The following STX8 variants were observed in gnomAD, a reference collection of about 807,000 sequenced individuals.
STX8 encodes the protein syntaxin 8.
A neutral mutation model predicts 37.5 loss-of-function variants in STX8; 23 were observed. The observed-to-expected ratio is 0.61, with a 90% CI of 0.44 to 0.87. STX8 has a LOEUF of 0.87. Ranked by LOEUF, STX8 falls within the 40% of genes least tolerant of loss-of-function variation. The pLI is 0.00. For missense variants in STX8, 313 were observed against 284.7 expected (o/e 1.10, Z -0.71); for synonymous variants, 115 against 99.1 (o/e 1.16, Z -0.95).
intron 5 of STX8, among the ~76,000 whole-genome samples, chr17:9,493,954 T>G: frequency 6.6e-6 from 1 of 151,930 alleles, no homozygotes; most frequent in East Asian, 1.9e-4. Flanking sequence ...ATCATATTGT[T>G]TATCTATATT....
chr17:9,357,877 T>C (rs1164595574), intron 7 of STX8, among the ~76,000 whole-genome samples: 1 of 152,206 alleles, frequency 6.6e-6, no homozygotes, highest in East Asian at 1.9e-4. Context: ...GTTTCTCTAA[T>C]GTGAAGTCCC....
chr17:9,270,954 A>G (rs1907435239), intron 7 of STX8, among the ~76,000 whole-genome samples: 1 of 152,254 alleles, frequency 6.6e-6, no homozygotes. Flanking sequence ...TCACAATTTC[A>G]GACAACTGGG....
chr17:9,376,008 CTT>C (rs1169008818), intron 7 of STX8, among the ~76,000 whole-genome samples: 2 of 152,148 alleles, frequency 1.3e-5, no homozygotes, highest in African/African-American at 4.8e-5. Flanking sequence ...GCACTGGACA[CTT>C]TACATAGTCC....
intron 7 of STX8, among the ~76,000 whole-genome samples, chr17:9,268,962 C>A (rs569002249): frequency 6.6e-6 from 1 of 151,978 alleles, no homozygotes; most frequent in African/African-American, 2.4e-5. Context: ...CTGAGGCGGG[C>A]GGATCATGAA....
intron 7 of STX8, among the ~76,000 whole-genome samples, chr17:9,354,998 T>A (rs1304403439): frequency 2.0e-5 from 3 of 152,204 alleles, no homozygotes; most frequent in Non-Finnish European, 4.4e-5. Flanking sequence ...GATGCCATTC[T>A]AAGTTCAGAT....
At chr17:9,291,997 C>T (rs1908327147) in intron 7 of STX8, among the ~76,000 whole-genome samples, 1 of 152,202 alleles carries the variant, frequency 6.6e-6, no homozygotes, top group Admixed American at 6.5e-5. Context: ...CTTAGTTGAA[C>T]TAAGGAGAAG....
At chr17:9,478,889 C>T (rs1368008088) in intron 6 of STX8, among the ~76,000 whole-genome samples, 4 of 152,238 alleles carry the variant, frequency 2.6e-5, no homozygotes, top group African/African-American at 9.6e-5. Context: ...CCTGAAGCTG[C>T]AGCAGCTGCC....
intron 7 of STX8, among the ~76,000 whole-genome samples, chr17:9,260,627 AAAACAAACAAACAAAC>A (rs142433582): frequency 9.3e-5 from 13 of 139,058 alleles, no homozygotes; most frequent in Non-Finnish European, 1.5e-4. Flanking sequence ...CCGTCTCAGA[AAAACAAACAAACAAAC>A]AAACAAACAA....
intron 7 of STX8, among the ~76,000 whole-genome samples, chr17:9,302,731 G>A (rs1908830403): frequency 6.6e-6 from 1 of 152,036 alleles, no homozygotes; most frequent in South Asian, 2.1e-4. Context: ...AGAGAAAGTG[G>A]GCTGAGAATG....
intron 7 of STX8, among the ~76,000 whole-genome samples, chr17:9,343,327 G>A (rs1453845704): frequency 6.6e-6 from 1 of 152,148 alleles, no homozygotes; most frequent in African/African-American, 2.4e-5. Flanking sequence ...GATGAAAGGG[G>A]TTAATTAGAA....
chr17:9,371,017 T>C (rs1234857841), intron 7 of STX8, among the ~76,000 whole-genome samples: 1 of 151,888 alleles, frequency 6.6e-6, no homozygotes, highest in African/African-American at 2.4e-5. Flanking sequence ...AAAATCTCGG[T>C]AAAAATTTTA....
intron 6 of STX8, among the ~76,000 whole-genome samples, chr17:9,467,941 CTGAG>C (rs1196216776): frequency 6.6e-6 from 1 of 152,170 alleles, no homozygotes; most frequent in Non-Finnish European, 1.5e-5. Flanking sequence ...CAAGCTGTAA[CTGAG>C]TAACAGTTTT....
chr17:9,367,583 T>A (rs1276795234), intron 7 of STX8, among the ~76,000 whole-genome samples: 2 of 152,200 alleles, frequency 1.3e-5, no homozygotes, highest in African/African-American at 4.8e-5. Flanking sequence ...TGCTATGCAT[T>A]TCATGTAGCA....
At chr17:9,506,418 C>CCA (rs1046848287) in intron 4 of STX8, among the ~76,000 whole-genome samples, 2 of 98,492 alleles carry the variant, frequency 2.0e-5, no homozygotes, top group East Asian at 3.9e-4. Context: ...CCCCCCCCCC[C>CCA]CCACCCACCT....
intron 7 of STX8, among the ~76,000 whole-genome samples, chr17:9,255,264 C>T (rs1398085265): frequency 6.6e-6 from 1 of 151,806 alleles, no homozygotes; most frequent in East Asian, 1.9e-4. Flanking sequence ...CTGTGGCTCA[C>T]GCCTGTAATC....
intron 7 of STX8, among the ~76,000 whole-genome samples, chr17:9,368,734 T>A (rs1670011427): frequency 6.6e-6 from 1 of 152,088 alleles, no homozygotes; most frequent in African/African-American, 2.4e-5. Context: ...TGGTTTGGCT[T>A]TTCACTTACC....
chr17:9,274,215 G>A (rs1362406329), intron 7 of STX8, among the ~76,000 whole-genome samples: 1 of 152,014 alleles, frequency 6.6e-6, no homozygotes, highest in East Asian at 1.9e-4. Flanking sequence ...TTCCTGCCCA[G>A]ATCTGTTACC....
intron 2 of STX8, among the ~76,000 whole-genome samples, chr17:9,560,361 G>A (rs1488070441): frequency 3.2e-5 from 4 of 123,138 alleles, no homozygotes; most frequent in Non-Finnish European, 6.3e-5. Flanking sequence ...TGATGCCACT[G>A]TATTCCAGCC....
chr17:9,469,944 T>G (rs549340873), intron 6 of STX8: 1 of 152,314 alleles, frequency 6.6e-6, no homozygotes, highest in African/African-American at 2.4e-5. Context: ...TACAAAACGC[T>G]TATCACTGAA....
Sources: gnomAD v4.1 joint callset for allele counts (sites outside exome capture counted in the v4.1 genomes callset) on GRCh38, gnomAD v4.1.1 for gene constraint, MANE v1.5 for transcripts, NCBI Gene and HGNC (gene_info 2026-07-23, HGNC 2026-07-21) for gene names.